SHISA9: variants seen among roughly 807,000 people sequenced by gnomAD.
SHISA9 encodes shisa family member 9, also known as protein shisa-9.
In SHISA9, 13 loss-of-function variants were observed where a neutral mutation model predicts 38.0. The observed-to-expected ratio is 0.34, with a 90% CI of 0.22 to 0.54. The LOEUF is 0.54. Ranked by LOEUF, SHISA9 falls within the 20% of genes least tolerant of loss-of-function variation. SHISA9 has a pLI of 0.91. For synonymous variants in SHISA9, 275 were observed against 242.0 expected (o/e 1.14, Z -1.27); for missense variants, 538 against 575.8 (o/e 0.93, Z 0.67).
At chr16:13,117,582 G>A (rs534726398) in intron 2 of SHISA9, among the ~76,000 whole-genome samples, 6 of 152,144 alleles carry the variant, frequency 3.9e-5, no homozygotes, top group Non-Finnish European at 8.8e-5. Context: ...ACGCAGAAGA[G>A]AGACATGCAG....
At chr16:13,109,145 T>G (rs853475) in intron 2 of SHISA9, among the ~76,000 whole-genome samples, 152,271 of 152,272 alleles carry the variant, frequency 1, 76,135 homozygotes, top group Non-Finnish European at 1. Context: ...TCCTACCTCA[T>G]CCTCCTGAGT....
At chr16:13,561,093 A>T in the SHISA9 span, among the ~76,000 whole-genome samples, 1 of 152,136 alleles carries the variant, frequency 6.6e-6, no homozygotes, top group Non-Finnish European at 1.5e-5. Context: ...CGAACTCCTG[A>T]CCTCAGGTGA....
intron 2 of SHISA9, among the ~76,000 whole-genome samples, chr16:12,965,510 G>C (rs1190769567): frequency 1.3e-5 from 2 of 152,154 alleles, no homozygotes; most frequent in Non-Finnish European, 2.9e-5. Flanking sequence ...ATACAACTGT[G>C]AGACAATTCT....
the SHISA9 span, among the ~76,000 whole-genome samples, chr16:13,527,675 C>G: frequency 6.6e-6 from 1 of 152,096 alleles, no homozygotes; most frequent in African/African-American, 2.4e-5. Context: ...AATTCAAGTT[C>G]CTAGTTATCC....
At chr16:13,547,093 A>G in the SHISA9 span, among the ~76,000 whole-genome samples, 18,211 of 152,208 alleles carry the variant, frequency 0.12, 1,220 homozygotes, top group African/African-American at 0.17. Context: ...ATTTCTTCAT[A>G]AAGCCTATTA....
intron 2 of SHISA9, among the ~76,000 whole-genome samples, chr16:13,145,248 G>A (rs1349260048): frequency 6.6e-6 from 1 of 152,164 alleles, no homozygotes; most frequent in Non-Finnish European, 1.5e-5. Context: ...ATGTGAGTTG[G>A]GCGTGGTGGC....
chr16:13,097,471 C>CAATGATGCT (rs988397467), intron 2 of SHISA9, among the ~76,000 whole-genome samples: 7 of 151,414 alleles, frequency 4.6e-5, no homozygotes, highest in Non-Finnish European at 8.8e-5. Flanking sequence ...GGCTGGAGTA[C>CAATGATGCT]AATGATGCTA....
At chr16:12,904,226 C>T (rs1366663823) in intron 1 of SHISA9, among the ~76,000 whole-genome samples, 3 of 152,158 alleles carry the variant, frequency 2.0e-5, no homozygotes, top group African/African-American at 7.2e-5. Context: ...AGGACTGAGG[C>T]AGCGGGTGTC....
intron 2 of SHISA9, among the ~76,000 whole-genome samples, chr16:13,170,781 TGA>T (rs2050678962): frequency 6.6e-6 from 1 of 152,070 alleles, no homozygotes; most frequent in Non-Finnish European, 1.5e-5. Flanking sequence ...CTCAGCCTCC[TGA>T]GTAGCTGGGA....
At chr16:13,197,160 G>T (rs3916749) in intron 2 of SHISA9, among the ~76,000 whole-genome samples, 70,581 of 144,572 alleles carry the variant, frequency 0.49, 16,651 homozygotes, top group East Asian at 0.62. Flanking sequence ...TATATATAGA[G>T]AGAGAGAGAG....
chr16:13,070,130 GTGT>G (rs2073494537), intron 2 of SHISA9, among the ~76,000 whole-genome samples: 1 of 139,412 alleles, frequency 7.2e-6, no homozygotes, highest in Non-Finnish European at 1.5e-5. Flanking sequence ...GTACGTGTGT[GTGT>G]GTGTGTGTGT....
chr16:13,260,082 T>C, the SHISA9 span, among the ~76,000 whole-genome samples: 20 of 137,832 alleles, frequency 1.5e-4, no homozygotes, highest in South Asian at 2.2e-3. Context: ...AGTGGCGTGA[T>C]CTCGGCTCAC....
chr16:13,259,819 T>C, the SHISA9 span, among the ~76,000 whole-genome samples: 7 of 150,934 alleles, frequency 4.6e-5, no homozygotes, highest in Non-Finnish European at 1.0e-4. Flanking sequence ...GCCCAGCCCA[T>C]GAAACCATTA....
the SHISA9 span, among the ~76,000 whole-genome samples, chr16:13,502,226 T>A: frequency 2.0e-5 from 3 of 152,146 alleles, no homozygotes; most frequent in Admixed American, 2.0e-4. Context: ...AGCAAGCATT[T>A]GGAGAAAAAG....
intron 1 of SHISA9, among the ~76,000 whole-genome samples, chr16:12,912,166 C>T (rs1362603551): frequency 6.6e-6 from 1 of 152,026 alleles, no homozygotes; most frequent in African/African-American, 2.4e-5. Context: ...CATACCAAAT[C>T]GGTTTATGCA....
chr16:13,124,050 C>A (rs975795679), intron 2 of SHISA9, among the ~76,000 whole-genome samples: 10 of 152,184 alleles, frequency 6.6e-5, no homozygotes, highest in Non-Finnish European at 1.3e-4. Flanking sequence ...AAAGTCCTAA[C>A]CGGAAGACAC....
At chr16:13,468,486 C>T in the SHISA9 span, among the ~76,000 whole-genome samples, 8 of 152,190 alleles carry the variant, frequency 5.3e-5, no homozygotes, top group African/African-American at 1.7e-4. Flanking sequence ...ATCCATCTGC[C>T]TCCAACTTTT....
At chr16:13,422,329 C>T in the SHISA9 span, among the ~76,000 whole-genome samples, 4 of 152,122 alleles carry the variant, frequency 2.6e-5, no homozygotes, top group African/African-American at 9.7e-5. Context: ...CTTCAACATT[C>T]AAAAGCTATT....
At chr16:13,379,056 G>A in the SHISA9 span, among the ~76,000 whole-genome samples, 24 of 151,902 alleles carry the variant, frequency 1.6e-4, no homozygotes, top group Admixed American at 1.1e-3. Context: ...ATTCCCAGTG[G>A]TAGATCCAGT....
Sources: gnomAD v4.1 joint callset for allele counts (sites outside exome capture counted in the v4.1 genomes callset) on GRCh38, gnomAD v4.1.1 for gene constraint, MANE v1.5 for transcripts, NCBI Gene and HGNC (gene_info 2026-07-23, HGNC 2026-07-21) for gene names.